The following PIPOX variants were observed in gnomAD, a reference collection of about 807,000 sequenced individuals.
PIPOX encodes peroxisomal sarcosine oxidase.
Under a neutral mutation model 47.9 loss-of-function variants are expected in PIPOX, and 45 were observed. The observed-to-expected ratio is 0.94, with a 90% confidence interval of 0.74 to 1.20. PIPOX has a LOEUF of 1.20. Ranked by LOEUF, PIPOX falls within the 50% of genes most tolerant of loss-of-function variation. PIPOX has a pLI of 0.00. For synonymous variants in PIPOX, 165 were observed against 191.3 expected (o/e 0.86, Z 1.13); for missense variants, 458 against 498.4 (o/e 0.92, Z 0.77).
At chr17:29,046,889 T>A in intron 2 of PIPOX, 1 of 328,350 alleles carries the variant, frequency 3.0e-6, no homozygotes, top group Non-Finnish European at 4.4e-6. Context: ...GGGATACTAA[T>A]ACCTGTGTCA....
chr17:29,049,012 C>A (rs183324631), intron 2 of PIPOX, among the ~76,000 whole-genome samples: 2 of 152,168 alleles, frequency 1.3e-5, no homozygotes, highest in East Asian at 3.9e-4. Flanking sequence ...CCCACTCCAT[C>A]CTACACCCTG....
At chr17:29,048,284 G>A (rs1201816778) in intron 2 of PIPOX, among the ~76,000 whole-genome samples, 1 of 152,124 alleles carries the variant, frequency 6.6e-6, no homozygotes, top group African/African-American at 2.4e-5. Flanking sequence ...AGAAGAACCA[G>A]CACAATACCA....
intron 2 of PIPOX, among the ~76,000 whole-genome samples, chr17:29,049,963 C>T (rs1011750602): frequency 1.3e-5 from 2 of 152,180 alleles, no homozygotes; most frequent in African/African-American, 2.4e-5. Flanking sequence ...AGAATCAGCT[C>T]GCTGATTACT....
chr17:29,046,617 G>GT, intron 2 of PIPOX: 1 of 985,488 alleles, frequency 1.0e-6, no homozygotes, highest in African/African-American at 1.7e-5. Flanking sequence ...TTGAGCAACA[G>GT]TGGGAGGAAA....
At chr17:29,045,915 C>G (rs901531700) in intron 2 of PIPOX, among the ~76,000 whole-genome samples, 5 of 152,168 alleles carry the variant, frequency 3.3e-5, no homozygotes, top group African/African-American at 1.2e-4. Context: ...AACCCTTGAC[C>G]TTTCAAACAC....
At chr17:29,054,031 A>T (rs1568020610) in intron 4 of PIPOX, among the ~76,000 whole-genome samples, 1 of 151,908 alleles carries the variant, frequency 6.6e-6, no homozygotes, top group Non-Finnish European at 1.5e-5. Context: ...AACTAAGAAA[A>T]ATTAGCCAGG....
In PIPOX at chr17:29,056,314, C is replaced by G. The variant is rs1247013694; in HGVS notation, c.*9C>G. On this transcript the variant is annotated 3_prime_UTR_variant, in exon 8 of 8. Coordinates refer to ENST00000323372, the MANE Select transcript of PIPOX (RefSeq NM_016518.3). The stretch of plus-strand genomic sequence containing the variant: ...GCAAAGCCCACCTTTGACCTCTGGC[C>G]AGAAGCCTCCCTTCTGTGCACAGGA... 1 of 1,614,202 alleles carries G rather than the reference C, an allele frequency of 6.2e-7. No homozygotes were observed. The highest frequency in any genetic ancestry group is 1.7e-5 in the Admixed American group (1 of 60,026).
chr17:29,053,472 C>A lies in PIPOX; in HGVS notation c.537C>A (p.Asn179Lys), dbSNP rs1305918345. 6.2e-7 allele frequency: 1 copy of A among 1,614,148 alleles called. No homozygotes were observed. The highest frequency in any genetic ancestry group is 8.5e-7 in the Non-Finnish European group (1 of 1,179,978). Residue 179 changes from asparagine to lysine, a missense_variant, in exon 4 of 8, where the codon AAC becomes AAA. By Grantham distance (94) the Asn-to-Lys change is moderately conservative (BLOSUM62 0). Coordinates refer to ENST00000323372, the MANE Select transcript of PIPOX (RefSeq NM_016518.3). Reference protein sequence around the residue: ...VRDGEKVVEINPGLLVTVKTT... With the variant: ...VRDGEKVVEIKPGLLVTVKTT... ...ACGGAGAGAAGGTGGTGGAGATAAA[C>A]CCAGGGCTACTGGTCACGGTGAAAA... is the stretch of plus-strand genomic sequence containing the variant.
At chr17:29,053,279 T>C in intron 3 of PIPOX, 134 bp from the exon 4 acceptor site, 2 of 1,186,336 alleles carry the variant, frequency 1.7e-6, no homozygotes, top group Non-Finnish European at 1.2e-6. Flanking sequence ...CAGTGAAATA[T>C]ATGCGGCTGG....
At chr17:29,046,090 G>C (rs1474039838) in intron 2 of PIPOX, among the ~76,000 whole-genome samples, 1 of 152,174 alleles carries the variant, frequency 6.6e-6, no homozygotes, top group Admixed American at 6.5e-5. Flanking sequence ...TTAGTGTTCT[G>C]TTGCAAAAAT....
chr17:29,043,814 T>A (rs111784387), intron 1 of PIPOX, among the ~76,000 whole-genome samples: 1,789 of 152,188 alleles, frequency 0.012, 33 homozygotes, highest in African/African-American at 0.04. Flanking sequence ...TCTGTTTTTT[T>A]TTTTTATTTT....
intron 6 of PIPOX, among the ~76,000 whole-genome samples, chr17:29,055,430 G>A (rs2065824006): frequency 2.0e-5 from 3 of 152,196 alleles, no homozygotes; most frequent in Admixed American, 1.3e-4. Context: ...TAGGAAACTA[G>A]GTTATGCCTG....
In PIPOX at chr17:29,044,878, G is replaced by C; in HGVS notation, c.134G>C (p.Arg45Pro). The C allele has an allele frequency of 1.2e-6, 2 of 1,613,156 alleles. No individual in the cohort carries two copies. Among genetic ancestry groups the C allele is most frequent in the Non-Finnish European group, 1.7e-6 (2 of 1,179,662 alleles). Residue 45 changes from arginine (R) to proline (P), a missense_variant, in exon 2 of 8, where the codon CGA (arginine) becomes CCA (proline). Transcript: ENST00000323372. ...LLEQFFLPHS[R>P]GSSHGQSRII... ...TTCCAGTTCTTTCTACCACACTCCC[G>C]AGGAAGCTCCCATGGACAAAGCCGG...
At chr17:29,043,868 C>T (rs935767035) in intron 1 of PIPOX, among the ~76,000 whole-genome samples, 1 of 151,984 alleles carries the variant, frequency 6.6e-6, no homozygotes, top group African/African-American at 2.4e-5. Context: ...CCTTGTTTGA[C>T]ACATGATAAG....
At chr17:29,043,981 C>A (rs965123483) in intron 1 of PIPOX, among the ~76,000 whole-genome samples, 4 of 152,178 alleles carry the variant, frequency 2.6e-5, no homozygotes, top group African/African-American at 9.7e-5. Context: ...GAGGACAGGG[C>A]CACCCAGCTA....
intron 4 of PIPOX, among the ~76,000 whole-genome samples, chr17:29,053,847 C>G (rs1598239807): frequency 6.6e-6 from 1 of 152,196 alleles, no homozygotes; most frequent in African/African-American, 2.4e-5. Flanking sequence ...TGGCAAAAAC[C>G]ACAATTACTT....
intron 2 of PIPOX, among the ~76,000 whole-genome samples, chr17:29,048,445 T>TTAGTATGCATATATTC (rs1304700898): frequency 6.6e-6 from 1 of 152,214 alleles, no homozygotes; most frequent in African/African-American, 2.4e-5. Flanking sequence ...ATGGGTGGGT[T>TTAGTATGCATATATTC]TGGGACATTT....
chr17:29,043,214 C>A lies in PIPOX; in HGVS notation c.-12C>A. ...CCTTTGAGGCTCTGTGGCTGTGGGG[C>A]TGAGTGGCATCATGGCGGCTCAGAA... On this transcript the variant is annotated 5_prime_UTR_variant, in exon 1 of 8. The change creates a new upstream start codon in the 5' untranslated region. Coordinates refer to ENST00000323372, the MANE Select transcript of PIPOX (RefSeq NM_016518.3). 1 of 1,599,852 alleles carries A rather than the reference C, an allele frequency of 6.3e-7. No individual in the cohort carries two copies. The highest frequency in any genetic ancestry group is 8.6e-7 in the Non-Finnish European group (1 of 1,168,644).
At chr17:29,045,968 T>C (rs1480447747) in intron 2 of PIPOX, among the ~76,000 whole-genome samples, 3 of 152,144 alleles carry the variant, frequency 2.0e-5, no homozygotes, top group African/African-American at 7.2e-5. Flanking sequence ...AATGGGAACT[T>C]TAACCATCCC....
Sources: allele counts gnomAD v4.1 joint callset (sites outside exome capture counted in the v4.1 genomes callset), GRCh38; gene constraint gnomAD v4.1.1; transcripts MANE v1.5; gene names NCBI Gene and HGNC (gene_info 2026-07-23, HGNC 2026-07-21).